The following DPYD variants were observed in gnomAD, a reference collection of about 807,000 sequenced individuals.
DPYD encodes dihydropyrimidine dehydrogenase.
In DPYD, 109 loss-of-function variants were observed where a neutral mutation model predicts 116.2. The observed-to-expected ratio is 0.94, with a 90% confidence interval of 0.80 to 1.10. The LOEUF (loss-of-function observed/expected upper bound fraction) is 1.10. DPYD is among the 50% of genes least tolerant of loss of function. DPYD has a pLI of 0.00. For missense variants in DPYD, 1,302 were observed against 1,254.5 expected (o/e 1.04, Z -0.57); for synonymous variants, 440 against 432.0 (o/e 1.02, Z -0.23).
intron 12 of DPYD, among the ~76,000 whole-genome samples, chr1:97,535,131 A>T (rs1020816290): frequency 1.3e-5 from 2 of 152,156 alleles, no homozygotes; most frequent in Admixed American, 1.3e-4. Context: ...ACTTGAACCC[A>T]GACTGCTTGA....
At chr1:97,193,635 G>A (rs1405536998) in intron 19 of DPYD, among the ~76,000 whole-genome samples, 2 of 152,126 alleles carry the variant, frequency 1.3e-5, no homozygotes, top group Non-Finnish European at 2.9e-5. Flanking sequence ...CTGCCTGCAG[G>A]CAGTTCTCAC....
At chr1:97,570,247 A>C in intron 11 of DPYD, among the ~76,000 whole-genome samples, 1 of 151,988 alleles carries the variant, frequency 6.6e-6, no homozygotes, top group Admixed American at 6.6e-5. Flanking sequence ...CTTATTATTG[A>C]TATATTTGAG....
chr1:97,530,118 C>T (rs1373538574), intron 12 of DPYD, among the ~76,000 whole-genome samples: 2 of 151,804 alleles, frequency 1.3e-5, no homozygotes, highest in African/African-American at 4.8e-5. Flanking sequence ...CATGTCTTCC[C>T]GGTCTATCCA....
intron 18 of DPYD, among the ~76,000 whole-genome samples, chr1:97,287,308 C>T (rs546574306): frequency 5.3e-5 from 8 of 152,192 alleles, no homozygotes; most frequent in East Asian, 1.9e-4. Flanking sequence ...GAGGAGTACC[C>T]GGCTGTGTGA....
At chr1:97,579,451 G>A (rs1180510643) in intron 10 of DPYD, among the ~76,000 whole-genome samples, 2 of 152,162 alleles carry the variant, frequency 1.3e-5, no homozygotes, top group Non-Finnish European at 2.9e-5. Flanking sequence ...CCTATGTTGC[G>A]AGGTTGAAAT....
chr1:97,106,062 T>C (rs1188204309), intron 20 of DPYD, among the ~76,000 whole-genome samples: 1 of 152,036 alleles, frequency 6.6e-6, no homozygotes, highest in Non-Finnish European at 1.5e-5. Flanking sequence ...CACCAGATAT[T>C]TGAAAATGTG....
chr1:97,085,432 A>G (rs1202160860), intron 21 of DPYD, among the ~76,000 whole-genome samples: 1 of 152,266 alleles, frequency 6.6e-6, no homozygotes, highest in South Asian at 2.1e-4. Context: ...TTTAATGTGA[A>G]GCCAATGTGG....
chr1:97,589,024 C>G (rs1297521308), intron 10 of DPYD, among the ~76,000 whole-genome samples: 1 of 152,148 alleles, frequency 6.6e-6, no homozygotes, highest in Admixed American at 6.5e-5. Context: ...TTCTCAGACC[C>G]ACCCCAGACT....
chr1:97,823,254 A>G (rs1251875933), intron 3 of DPYD, among the ~76,000 whole-genome samples: 1 of 151,990 alleles, frequency 6.6e-6, no homozygotes, highest in Non-Finnish European at 1.5e-5. Context: ...TCCCCGGTTC[A>G]TGCCATTCTC....
chr1:97,372,161 A>T (rs1398483962), intron 16 of DPYD, among the ~76,000 whole-genome samples: 1 of 152,196 alleles, frequency 6.6e-6, no homozygotes, highest in Non-Finnish European at 1.5e-5. Context: ...ATTGAATTGC[A>T]TTCTCCCCTA....
chr1:97,195,565 C>A (rs1463224003), intron 19 of DPYD, among the ~76,000 whole-genome samples: 1 of 58,422 alleles, frequency 1.7e-5, no homozygotes, highest in African/African-American at 8.5e-5. Flanking sequence ...AGAGACAGAA[C>A]TCTCATATAT....
rs562976465 is a variant in DPYD at position 97,567,323 on chromosome 1, T to C, written c.1339+6437A>G. On this transcript the variant is annotated intron_variant, in intron 11 of 22. Transcript: ENST00000370192. ...GGAACTGATGAGTGATTTAAAAACC[T>C]TTTTTTTTTTCCTGCAAACACTCCC... Among the ~76,000 whole-genome samples, 354 of 110,960 alleles carry C rather than the reference T, an allele frequency of 3.2e-3. 3 individuals carry two copies. The highest frequency in any genetic ancestry group is 0.012 in the African/African-American group (340 of 29,374). The allele number at this position is 110,960 out of a possible 152,430, so 72.8% of individuals were successfully genotyped here.
intron 5 of DPYD, among the ~76,000 whole-genome samples, chr1:97,706,780 C>G (rs1026832202): frequency 2.6e-5 from 4 of 152,020 alleles, no homozygotes; most frequent in Non-Finnish European, 5.9e-5. Flanking sequence ...AAGGATATCT[C>G]AAAAATTTTG....
At chr1:97,419,815 T>G (rs1341581141) in intron 14 of DPYD, among the ~76,000 whole-genome samples, 1 of 152,098 alleles carries the variant, frequency 6.6e-6, no homozygotes, top group Admixed American at 6.6e-5. Context: ...GGTCAAAGAG[T>G]GCATGTATTC....
At chr1:97,786,414 AT>A (rs928431340) in intron 3 of DPYD, among the ~76,000 whole-genome samples, 31 of 152,178 alleles carry the variant, frequency 2.0e-4, no homozygotes, top group Non-Finnish European at 3.7e-4. Flanking sequence ...CTTACAAATG[AT>A]TTTTTTTAAA....
intron 11 of DPYD, among the ~76,000 whole-genome samples, chr1:97,564,270 C>T (rs1457961083): frequency 6.6e-6 from 1 of 152,066 alleles, no homozygotes; most frequent in Non-Finnish European, 1.5e-5. Flanking sequence ...ATGTCATAAC[C>T]TCCTTAAAAT....
intron 15 of DPYD, among the ~76,000 whole-genome samples, chr1:97,376,887 G>GTGTGTGTGTGTATATATATA: frequency 6.2e-5 from 8 of 128,410 alleles, no homozygotes; most frequent in African/African-American, 2.0e-4. Flanking sequence ...GTGTGTGTGT[G>GTGTGTGTGTGTATATATATA]TATATATATA....
chr1:97,570,107 A>G (rs895502984), intron 11 of DPYD, among the ~76,000 whole-genome samples: 1 of 152,036 alleles, frequency 6.6e-6, no homozygotes, highest in African/African-American at 2.4e-5. Flanking sequence ...TAACACTAAA[A>G]AAGTTATTTT....
chr1:97,503,115 G>T (rs1371711913), intron 13 of DPYD, among the ~76,000 whole-genome samples: 1 of 151,908 alleles, frequency 6.6e-6, no homozygotes. Flanking sequence ...CCTTCTGCAT[G>T]CAAGCTTGTT....
Sources: allele counts gnomAD v4.1 joint callset (sites outside exome capture counted in the v4.1 genomes callset), GRCh38; gene constraint gnomAD v4.1.1; transcripts MANE v1.5; gene names NCBI Gene and HGNC (gene_info 2026-07-23, HGNC 2026-07-21).